BCORL1: variants seen among roughly 807,000 people sequenced by gnomAD.
BCORL1 encodes BCL6 corepressor like 1.
A neutral mutation model predicts 87.6 loss-of-function variants in BCORL1; 7 were observed. The observed-to-expected ratio is 0.08, with a 90% CI of 0.05 to 0.15. The LOEUF (loss-of-function observed/expected upper bound fraction) is 0.15, where lower values mean the gene tolerates loss of function less well. BCORL1 is among the 10% of genes least tolerant of loss of function. The probability of loss-of-function intolerance (pLI) is 1.00; values close to 1 mark genes in which losing one functional copy is unlikely to be tolerated. For synonymous variants in BCORL1, 591 were observed against 634.4 expected (o/e 0.93, Z 1.03); for missense variants, 1,215 against 1,499.7 (o/e 0.81, Z 3.13).
At chrX:129,996,993 C>T (rs759912784) in intron 1 of BCORL1, among the ~76,000 whole-genome samples, 1 of 111,558 alleles carries the variant, frequency 9.0e-6, no homozygotes, top group East Asian at 2.8e-4. Flanking sequence ...GATGCTTTCT[C>T]TGTTACCTCC....
intron 6 of BCORL1, 41 bp downstream of exon 6, chrX:130,023,018 A>G (rs1929963862): frequency 9.1e-7 from 1 of 1,093,607 alleles, no homozygotes; most frequent in Non-Finnish European, 1.3e-6. Context: ...AGCATCTTCT[A>G]TGAAAAGAGA....
rs759790857 is a variant in BCORL1 at position 130,044,425 on chromosome X, C to T, written c.4840+5143C>T. Among the ~76,000 whole-genome samples, 5 of 111,062 alleles carry T rather than the reference C, an allele frequency of 4.5e-5. No homozygotes were observed. In the East Asian group the frequency reaches 1.4e-3, roughly 31 times the overall value. ...GTGAGCATTAGCGTCAGGGTTATGC[C>T]TCATGTAGCGCTTCCCTGGCTGTGT... is the stretch of plus-strand genomic sequence containing the variant. On this transcript the variant is annotated intron_variant, in intron 11 of 13. Coordinates refer to ENST00000540052, the MANE Select transcript of BCORL1 (RefSeq NM_001379451.1).
Position 130,013,969 on chromosome X carries a change from TG to T in BCORL1, c.1198del (p.Ala400ProfsTer18). 8.3e-7 allele frequency: 1 copy of T among 1,201,004 alleles called. No individual in the cohort carries two copies. The highest frequency in any genetic ancestry group is 1.1e-6 in the Non-Finnish European group (1 of 891,255). ...CTCCAGCCCCTACACCCATGCCTGCTGCCACGCCAGCTGCCATTCCCACCTC... is the reference window on the plus strand; with the variant it reads ...CTCCAGCCCCTACACCCATGCCTGCTCCACGCCAGCTGCCATTCCCACCTC... ...FTPAPTPMPAATPAAIPTSAP... is the reference protein window; with the variant it reads ...FTPAPTPMPAXTPAAIPTSAP... On this transcript the variant is annotated frameshift_variant, in exon 4 of 14. Coordinates refer to ENST00000540052, the MANE Select transcript of BCORL1 (RefSeq NM_001379451.1). LOFTEE classifies it high-confidence loss of function.
At chrX:130,049,378 A>G (rs1260936057) in intron 11 of BCORL1, among the ~76,000 whole-genome samples, 1 of 111,410 alleles carries the variant, frequency 9.0e-6, no homozygotes, top group Non-Finnish European at 1.9e-5. Context: ...TTGTTTTGAG[A>G]CAGAGTCTTG....
chrX:129,993,818 G>A lies in BCORL1; in HGVS notation c.-45+11056G>A, dbSNP rs181682285. On this transcript the variant is annotated intron_variant, in intron 1 of 13. Coordinates refer to ENST00000540052, the MANE Select transcript of BCORL1 (RefSeq NM_001379451.1). ...TTTATTTATTTATTTTTTTGAGATA[G>A]AGTCTTGCTTTTGTAGCTCAGGTTG... 5.1e-4 allele frequency among the ~76,000 whole-genome samples: 56 copies of A among 110,337 alleles called. 1 individual carries two copies. The highest frequency in any genetic ancestry group is 1.8e-3 in the African/African-American group (55 of 30,370).
At chrX:130,011,004 A>T (rs1928901058) in intron 2 of BCORL1, among the ~76,000 whole-genome samples, 2 of 17,377 alleles carry the variant, frequency 1.2e-4, no homozygotes, top group Non-Finnish European at 1.9e-4. Context: ...ATTCAATCTA[A>T]AAAAAAAAAA....
intron 1 of BCORL1, among the ~76,000 whole-genome samples, chrX:129,990,228 TA>T (rs1452808485): frequency 9.0e-6 from 1 of 111,124 alleles, no homozygotes; most frequent in Non-Finnish European, 1.9e-5. Context: ...TTTATATATA[TA>T]TTTTTTTCTT....
At chrX:130,050,205 G>A (rs1157858231) in intron 11 of BCORL1, among the ~76,000 whole-genome samples, 2 of 110,773 alleles carry the variant, frequency 1.8e-5, no homozygotes, top group Admixed American at 1.9e-4. Flanking sequence ...GCCGAGGTGG[G>A]AGGATCGCTT....
intron 11 of BCORL1, among the ~76,000 whole-genome samples, chrX:130,041,665 C>T (rs1369112636): frequency 1.8e-5 from 2 of 111,078 alleles, no homozygotes; most frequent in Non-Finnish European, 3.8e-5. Context: ...CTTGCTCTGT[C>T]GCCAAGGCTC....
chrX:129,985,487 C>T (rs956530233), intron 1 of BCORL1, among the ~76,000 whole-genome samples: 2 of 111,325 alleles, frequency 1.8e-5, no homozygotes, highest in African/African-American at 6.5e-5. Flanking sequence ...AATGGGATAA[C>T]CTAATTTTAA....
At chrX:130,042,054 T>G (rs1274005711) in intron 11 of BCORL1, among the ~76,000 whole-genome samples, 2 of 111,230 alleles carry the variant, frequency 1.8e-5, no homozygotes, top group East Asian at 2.8e-4. Context: ...ACTCCAGCAC[T>G]TCCTAACTTG....
intron 7 of BCORL1, among the ~76,000 whole-genome samples, chrX:130,027,793 T>G (rs945685911): frequency 2.7e-5 from 3 of 112,327 alleles, no homozygotes; most frequent in African/African-American, 9.7e-5. Context: ...CAATTAGGAC[T>G]TGAGCCCAGC....
At chrX:130,026,391 C>T (rs1301513222) in intron 7 of BCORL1, among the ~76,000 whole-genome samples, 3 of 112,596 alleles carry the variant, frequency 2.7e-5, no homozygotes. Flanking sequence ...CCCATCTCTA[C>T]GCTCAAGAGA....
chrX:130,037,467 C>A lies in BCORL1; in HGVS notation c.4628C>A (p.Thr1543Asn), dbSNP rs1429249408. ...CATGAGGCTTGTTCCCGGGGCTGGA[C>A]CGACATCCTGAACATCCTGCTGGAG... ...ALHEACSRGW[T>N]DILNILLEHG... Residue 1543 changes from threonine (T) to asparagine (N), a missense_variant, in exon 10 of 14, where the codon ACC becomes AAC. This residue lies in a region of BCORL1 where 55 missense variants were observed against 115.1 expected (regional missense o/e 0.48). Transcript: ENST00000540052. 8.3e-7 allele frequency: 1 copy of A among 1,209,961 alleles called. No individual in the cohort carries two copies. Among genetic ancestry groups the A allele is most frequent in the Non-Finnish European group, 1.1e-6 (1 of 895,210 alleles).
rs58270374 is a variant in BCORL1, at chrX:130,021,242, T to C, written c.3607+92T>C. 1.0e-3 allele frequency: 1,106 copies of C among 1,101,517 alleles called. 10 individuals are homozygous for C. In the African/African-American group the frequency reaches 0.019, roughly 19 times the overall value. The allele number at this position is 1,101,517 out of a possible 1,213,427, so 90.8% of individuals were successfully genotyped here. On this transcript the variant is annotated intron_variant, in intron 5 of 13. Transcript: ENST00000540052. The stretch of plus-strand genomic sequence containing the variant: ...GCAGAGGGGCTCAGGCGCTGACTCC[T>C]TCACTCTGGAAAAGTGAGACTTCTT...
chrX:130,012,546 T>C, intron 2 of BCORL1, 32 bp from the exon 3 acceptor site: 1 of 1,162,634 alleles, frequency 8.6e-7, no homozygotes, highest in Non-Finnish European at 1.2e-6. Context: ...CTGGGCCTCA[T>C]GTCCCTTCTC....
At position 129,990,263 on chromosome X, in the gene BCORL1, G is replaced by A. The variant is rs1000660103; in HGVS notation, c.-45+7501G>A. Among the ~76,000 whole-genome samples, 10 of 110,200 alleles carry A rather than the reference G, an allele frequency of 9.1e-5. No homozygotes were observed. In the East Asian group the frequency reaches 1.1e-3, roughly 13 times the overall value. ...TTTTTCTTTTTTGAGATGGAGTCTC[G>A]CTCTTTTGCCCAGGCTGGAGTGCAG... On this transcript the variant is annotated intron_variant, in intron 1 of 13. Transcript: ENST00000540052.
intron 1 of BCORL1, among the ~76,000 whole-genome samples, chrX:129,991,166 G>A (rs1488187724): frequency 9.1e-5 from 10 of 109,891 alleles, no homozygotes; most frequent in African/African-American, 3.3e-4. Context: ...GCCCAGGCTG[G>A]AGTGCAGTGA....
At chrX:130,024,968 C>A in intron 6 of BCORL1, 22 bp from the exon 7 acceptor site, 1 of 1,203,557 alleles carries the variant, frequency 8.3e-7, no homozygotes, top group South Asian at 1.8e-5. Context: ...ACCTGACCAT[C>A]CTCTGTACAT....
Sources: gnomAD v4.1 joint callset for allele counts (sites outside exome capture counted in the v4.1 genomes callset) on GRCh38, gnomAD v4.1.1 for gene constraint, gnomAD v4.1.1 regional missense constraint, MANE v1.5 for transcripts, NCBI Gene and HGNC (gene_info 2026-07-23, HGNC 2026-07-21) for gene names.